The following BIRC6 variants were observed in gnomAD, a reference collection of about 807,000 sequenced individuals.
The protein encoded by BIRC6 is dual E2 ubiquitin-conjugating enzyme/E3 ubiquitin-protein ligase BIRC6.
BIRC6 carries 98 observed loss-of-function variants against 503.3 expected under a neutral mutation model. The ratio of observed to expected loss-of-function variants is 0.19; its 90% CI spans 0.17 to 0.23. The LOEUF (loss-of-function observed/expected upper bound fraction) is 0.23, where lower values mean the gene tolerates loss of function less well. Ranked by LOEUF, BIRC6 falls within the 10% of genes least tolerant of loss-of-function variation. BIRC6 has a pLI of 1.00. For synonymous variants in BIRC6, 2,240 were observed against 2,078.7 expected, an observed-to-expected ratio of 1.08 and a Z score of -2.11; for missense variants, 5,360 against 5,806.0, an observed-to-expected ratio of 0.92 and a Z score of 2.50.
At chr2:32,483,450 A>G (rs1317639206) in intron 39 of BIRC6, among the ~76,000 whole-genome samples, 1 of 152,182 alleles carries the variant, frequency 6.6e-6, no homozygotes, top group Non-Finnish European at 1.5e-5. Context: ...TTGTTTTACA[A>G]ATCAGGACAT....
At chr2:32,590,563 G>A (rs1040754075) in intron 66 of BIRC6, among the ~76,000 whole-genome samples, 9 of 152,092 alleles carry the variant, frequency 5.9e-5, no homozygotes, top group Non-Finnish European at 1.0e-4. Flanking sequence ...TTATTTGGGC[G>A]GTAGATACTG....
Position 32,595,140 on chromosome 2 carries a change from G to A in BIRC6, c.13608G>A (p.Gln4536=). 1 of 1,566,438 alleles carries A rather than the reference G, an allele frequency of 6.4e-7. No individual in the cohort carries two copies. Among genetic ancestry groups the A allele is most frequent in the Non-Finnish European group, 8.6e-7 (1 of 1,156,388 alleles). The change falls in exon 68 of 74, where the codon CAG becomes CAA. Residue 4536 remains glutamine (Q), a synonymous_variant. Transcript: ENST00000421745. ...ATGTGGCTGTTATGAAGAAATTACA[G>A]TTTGGTAAGATGAAATTTTTGATTT... ...EKYVAVMKKL[Q]FDTFEMVSED... is the part of the protein sequence containing the mutation.
At chr2:32,536,667 G>C (rs376577581) in intron 61 of BIRC6, among the ~76,000 whole-genome samples, 3 of 152,074 alleles carry the variant, frequency 2.0e-5, no homozygotes, top group African/African-American at 2.4e-5. Flanking sequence ...TGGTCTGTAT[G>C]TCTGTTTTGG....
At chr2:32,482,888 T>C (rs1447735430) in intron 39 of BIRC6, among the ~76,000 whole-genome samples, 1 of 152,054 alleles carries the variant, frequency 6.6e-6, no homozygotes, top group Admixed American at 6.6e-5. Flanking sequence ...ATAAAGAGAA[T>C]GAAACTACAT....
rs1572930791 is a variant in BIRC6 at position 32,545,957 on chromosome 2, T to C, written c.12810+97T>C. The C allele has an allele frequency of 3.6e-6, 4 of 1,100,052 alleles. No homozygotes were observed. The East Asian group carries it at 1.0e-4, about 29-fold the overall frequency. 68.1% of individuals were successfully genotyped at this position (1,100,052 alleles called of 1,614,324 possible). ...TTTCTGAATTAATCTTTCAGAGACT[T>C]GGGTGTTCCATTTTCACATCTAAAA... is the stretch of plus-strand genomic sequence containing the variant. On this transcript the variant is annotated intron_variant, in intron 63 of 73. Transcript: ENST00000421745.
At chr2:32,564,507 G>A (rs546202124) in intron 65 of BIRC6, 1 of 152,258 alleles carries the variant, frequency 6.6e-6, no homozygotes, top group East Asian at 1.9e-4. Context: ...GAGTTACATG[G>A]ATTACCTGAC....
Position 32,501,882 on chromosome 2 carries a change from C to T in BIRC6, c.9201C>T (p.Gly3067=). The T allele has an allele frequency of 6.2e-7, 1 of 1,600,854 alleles. No homozygotes were observed. The highest frequency in any genetic ancestry group is 8.5e-7 in the Non-Finnish European group (1 of 1,176,232). ...CATACATGGCCTGTGGATATATGGG[C>T]AGACAAGTAAGTTCAAGCCAACAAC... is the stretch of plus-strand genomic sequence containing the variant. ...ILTYMACGYM[G]RQGSLATCQL... Residue 3067 remains glycine (G), a synonymous_variant, in exon 47 of 74, where the codon GGC becomes GGT. Transcript: ENST00000421745.
intron 42 of BIRC6, among the ~76,000 whole-genome samples, chr2:32,489,496 A>G (rs1045794934): frequency 6.6e-6 from 1 of 151,782 alleles, no homozygotes; most frequent in South Asian, 2.1e-4. Flanking sequence ...TTAAATATAT[A>G]TAAAAAATAA....
rs113579803 is a variant in BIRC6 at position 32,510,058 on chromosome 2, C to T, written c.10237+64C>T. On this transcript the variant is annotated intron_variant, in intron 52 of 73. Coordinates refer to ENST00000421745, the MANE Select transcript of BIRC6 (RefSeq NM_016252.4). Reference sequence around the variant, plus strand: ...GTAAAGTAACAGCAGTTGAACTGTGCGATCTTCGTGCTTAACTCTGTTTTG... The same window carrying T: ...GTAAAGTAACAGCAGTTGAACTGTGTGATCTTCGTGCTTAACTCTGTTTTG... The T allele has an allele frequency of 5.1e-3, 7,771 of 1,534,846 alleles. 19 individuals are homozygous for T. The highest frequency in any genetic ancestry group is 9.1e-3 in the Middle Eastern group (46 of 5,074).
Position 32,524,917 on chromosome 2 carries a change from A to T in BIRC6, c.11653A>T (p.Ser3885Cys), listed in dbSNP as rs911752804. The change falls in exon 58 of 74, where the codon AGT becomes TGT. Residue 3885 changes from serine (S) to cysteine (C), a missense_variant. Transcript: ENST00000421745. ...TCCAAGTATCACAGCTAAATTAATT[A>T]GTGAACAAAAAGATGACAAAGAAAA... The part of the protein sequence containing the change: ...DTPSITAKLI[S>C]EQKDDKEKKN... 22 of 1,507,770 alleles carry T rather than the reference A, an allele frequency of 1.5e-5. No homozygotes were observed. The highest frequency in any genetic ancestry group is 2.0e-5 in the Non-Finnish European group (22 of 1,121,888). The allele number at this position is 1,507,770 out of a possible 1,614,324, so 93.4% of individuals were successfully genotyped here.
chr2:32,370,061 T>TACACACACACAC (rs71820292), intron 1 of BIRC6, among the ~76,000 whole-genome samples: 11 of 140,956 alleles, frequency 7.8e-5, no homozygotes, highest in African/African-American at 2.9e-4. Context: ...TGTGTATGTA[T>TACACACACACAC]ACACACACAC....
chr2:32,520,296 G>C (rs969125773), intron 57 of BIRC6, among the ~76,000 whole-genome samples: 1 of 152,052 alleles, frequency 6.6e-6, no homozygotes, highest in African/African-American at 2.4e-5. Flanking sequence ...CTTCACAATC[G>C]CTGTGTCTAA....
intron 21 of BIRC6, among the ~76,000 whole-genome samples, chr2:32,447,139 C>G (rs1045145314): frequency 6.7e-6 from 1 of 149,694 alleles, no homozygotes; most frequent in Non-Finnish European, 1.5e-5. Flanking sequence ...TGAAAAGTCT[C>G]CCATGTCTAC....
intron 65 of BIRC6, among the ~76,000 whole-genome samples, chr2:32,571,617 T>C (rs148612852): frequency 0.013 from 1,912 of 152,118 alleles, 26 homozygotes; most frequent in Non-Finnish European, 0.016. Context: ...CATTTCTGAT[T>C]CTGTTTATTT....
chr2:32,458,738 A>G (rs1007386749), intron 23 of BIRC6, among the ~76,000 whole-genome samples: 1 of 125,210 alleles, frequency 8.0e-6, no homozygotes, highest in Non-Finnish European at 1.6e-5. Context: ...TCTGTATCCC[A>G]GGCTGAAGTG....
intron 9 of BIRC6, among the ~76,000 whole-genome samples, chr2:32,413,176 A>AT (rs766213127): frequency 0.075 from 9,212 of 122,044 alleles, 476 homozygotes; most frequent in Admixed American, 0.13. Flanking sequence ...TGCCCGGCTA[A>AT]TTTTTTTTTT....
At chr2:32,579,235 A>G (rs913233161) in intron 66 of BIRC6, among the ~76,000 whole-genome samples, 1 of 151,758 alleles carries the variant, frequency 6.6e-6, no homozygotes, top group African/African-American at 2.4e-5. Flanking sequence ...AAAAAGGTCA[A>G]GTGTAAAGAG....
intron 10 of BIRC6, among the ~76,000 whole-genome samples, chr2:32,423,937 C>T (rs533436780): frequency 6.6e-5 from 10 of 152,162 alleles, no homozygotes; most frequent in East Asian, 1.9e-4. Context: ...TCACTGGTAT[C>T]GCAGTGCTTG....
chr2:32,586,617 C>G (rs1205041365), intron 66 of BIRC6, among the ~76,000 whole-genome samples: 2 of 151,728 alleles, frequency 1.3e-5, no homozygotes, highest in Non-Finnish European at 2.9e-5. Flanking sequence ...TGGGGTTTCC[C>G]CTTGCTGCCC....
Sources: gnomAD v4.1 joint callset for allele counts (sites outside exome capture counted in the v4.1 genomes callset) on GRCh38, gnomAD v4.1.1 for gene constraint, MANE v1.5 for transcripts, NCBI Gene and HGNC (gene_info 2026-07-23, HGNC 2026-07-21) for gene names.